Variants in MGAT4A observed in about 807,000 individuals in gnomAD.
MGAT4A encodes the protein alpha-1,3-mannosyl-glycoprotein 4-beta-N-acetylglucosaminyltransferase A.
Under a neutral mutation model 74.1 loss-of-function variants are expected in MGAT4A, and 33 were observed. The ratio of observed to expected loss-of-function variants is 0.45; its 90% CI spans 0.34 to 0.60. The LOEUF is 0.60. Among genes scored for constraint, MGAT4A ranks in the 20% least tolerant of loss-of-function variants. MGAT4A has a pLI of 0.02. For missense variants in MGAT4A, 479 were observed against 628.3 expected (o/e 0.76, Z 2.54); for synonymous variants, 198 against 210.4 (o/e 0.94, Z 0.51).
At chr2:98,631,586 T>A (rs1701233916) in intron 14 of MGAT4A, among the ~76,000 whole-genome samples, 1 of 152,194 alleles carries the variant, frequency 6.6e-6, no homozygotes, top group Non-Finnish European at 1.5e-5. Context: ...CACCCGCGGA[T>A]GCTGGCAGGC....
chr2:98,730,783 G>A (rs1428180619), intron 1 of MGAT4A, among the ~76,000 whole-genome samples: 1 of 147,978 alleles, frequency 6.8e-6, no homozygotes, highest in East Asian at 2.0e-4. Flanking sequence ...CTGGGAGGAC[G>A]GCCCGGCCCG....
rs933234816 is a variant in MGAT4A, at chr2:98,625,035, G to C, written c.*531C>G. On this transcript the variant is annotated 3_prime_UTR_variant, in exon 16 of 16. Coordinates refer to ENST00000393487, the MANE Select transcript of MGAT4A (RefSeq NM_012214.3). ...AAAAATATAGAAAGAACTTAAAAAAGCAAGGAAACTGGTTTTCAAAAAAAG... is the reference window on the plus strand; with the variant it reads ...AAAAATATAGAAAGAACTTAAAAAACCAAGGAAACTGGTTTTCAAAAAAAG... 1 of 982,994 alleles carries C rather than the reference G, an allele frequency of 1.0e-6. No homozygotes were observed. Among genetic ancestry groups the C allele is most frequent in the East Asian group, 1.1e-4 (1 of 8,810 alleles). The allele number at this position is 982,994 out of a possible 1,614,324, so 60.9% of individuals were successfully genotyped here.
intron 10 of MGAT4A, among the ~76,000 whole-genome samples, chr2:98,642,687 T>C (rs1169603004): frequency 6.6e-6 from 1 of 152,198 alleles, no homozygotes; most frequent in Non-Finnish European, 1.5e-5. Context: ...ACAATAAAAA[T>C]TTCTATAAGT....
chr2:98,641,691 G>GAA (rs201848483), intron 10 of MGAT4A, among the ~76,000 whole-genome samples: 87 of 146,956 alleles, frequency 5.9e-4, no homozygotes, highest in African/African-American at 2.2e-3. Context: ...AGAAAAAAAA[G>GAA]AAAAAAAAAT....
At chr2:98,637,006 G>A (rs1431212793) in intron 12 of MGAT4A, among the ~76,000 whole-genome samples, 1 of 152,052 alleles carries the variant, frequency 6.6e-6, no homozygotes, top group Non-Finnish European at 1.5e-5. Context: ...AGTAGTCATG[G>A]CATGTCCAAA....
Position 98,622,857 on chromosome 2 carries a change from A to AAG in MGAT4A, c.*2707_*2708dup. 1.0e-6 allele frequency: 1 copy of AAG among 985,832 alleles called. No individual in the cohort carries two copies. Among genetic ancestry groups the AAG allele is most frequent in the Non-Finnish European group, 1.2e-6 (1 of 830,310 alleles). The allele number at this position is 985,832 out of a possible 1,614,324, so 61.1% of individuals were successfully genotyped here. Reference sequence around the variant, plus strand: ...GCAACGACAGCAGGGAGAGGGAGTTAAGAGAGAGAAAGGGGGCTGGACATG... The same window carrying AAG: ...GCAACGACAGCAGGGAGAGGGAGTTAAGAGAGAGAGAAAGGGGGCTGGACATG... On this transcript the variant is annotated 3_prime_UTR_variant, in exon 16 of 16. Coordinates refer to ENST00000393487, the MANE Select transcript of MGAT4A (RefSeq NM_012214.3).
intron 8 of MGAT4A, among the ~76,000 whole-genome samples, chr2:98,646,703 T>C (rs1296202391): frequency 2.0e-5 from 3 of 152,354 alleles, no homozygotes; most frequent in South Asian, 2.1e-4. Context: ...TGGATTATGA[T>C]GTACCAATGA....
intron 4 of MGAT4A, among the ~76,000 whole-genome samples, chr2:98,669,187 T>C (rs1701877958): frequency 1.3e-5 from 2 of 152,118 alleles, no homozygotes; most frequent in African/African-American, 4.8e-5. Flanking sequence ...TTTGGCTGTG[T>C]CCCCACCCAC....
At chr2:98,718,053 G>T (rs1702615546) in intron 2 of MGAT4A, among the ~76,000 whole-genome samples, 1 of 152,180 alleles carries the variant, frequency 6.6e-6, no homozygotes, top group African/African-American at 2.4e-5. Flanking sequence ...GCTTCGTCTG[G>T]TGTTTCTGTT....
intron 2 of MGAT4A, among the ~76,000 whole-genome samples, chr2:98,706,666 T>C (rs1702441229): frequency 6.6e-6 from 1 of 151,370 alleles, no homozygotes; most frequent in South Asian, 2.1e-4. Flanking sequence ...CTGTAGAATA[T>C]ACATGGCATA....
intron 2 of MGAT4A, among the ~76,000 whole-genome samples, chr2:98,695,864 G>A (rs933846735): frequency 1.3e-5 from 2 of 149,382 alleles, no homozygotes; most frequent in Non-Finnish European, 3.0e-5. Context: ...TTTAAAGAGT[G>A]TTCCACAGAA....
chr2:98,678,252 AT>A, intron 3 of MGAT4A, 51 bp downstream of exon 3: 1 of 380,978 alleles, frequency 2.6e-6, no homozygotes, highest in Non-Finnish European at 3.7e-6. Flanking sequence ...AAAAAAAAAT[AT>A]ATATATATAT....
intron 4 of MGAT4A, among the ~76,000 whole-genome samples, chr2:98,668,888 T>G (rs1174773670): frequency 6.6e-6 from 1 of 152,236 alleles, no homozygotes; most frequent in Non-Finnish European, 1.5e-5. Context: ...ATTCTGGACT[T>G]GCATGGGGCC....
intron 2 of MGAT4A, among the ~76,000 whole-genome samples, chr2:98,691,390 T>G (rs1039657029): frequency 1.4e-4 from 22 of 151,756 alleles, no homozygotes; most frequent in Non-Finnish European, 8.8e-5. Context: ...AAGTGAGCCA[T>G]GCTCACACCA....
chr2:98,674,838 C>T (rs1701956850), intron 4 of MGAT4A, among the ~76,000 whole-genome samples, 197 bp downstream of exon 4: 1 of 152,194 alleles, frequency 6.6e-6, no homozygotes, highest in African/African-American at 2.4e-5. Context: ...CACATGATCC[C>T]TTTCAGCTGT....
Position 98,664,812 on chromosome 2 carries a change from C to A in MGAT4A, c.404-1633G>T, listed in dbSNP as rs572740304. ...TGTTTGAGTGTTGTGATCCTAACCC[C>A]CTTGCTCTCATTTTTTTGCACCATT... is the stretch of plus-strand genomic sequence containing the variant. On this transcript the variant is annotated intron_variant, in intron 4 of 15. Transcript: ENST00000393487. Among the ~76,000 whole-genome samples the A allele has an allele frequency of 4.1e-4, 63 of 152,178 alleles. 1 individual carries two copies. The highest frequency in any genetic ancestry group is 1.2e-3 in the South Asian group (6 of 4,830).
rs530542293 is a variant in MGAT4A, at chr2:98,696,828, T to C, written c.95-18357A>G. Among the ~76,000 whole-genome samples, 3 of 152,364 alleles carry C rather than the reference T, an allele frequency of 2.0e-5. No individual in the cohort carries two copies. In the South Asian group the frequency reaches 6.2e-4, roughly 32 times the overall value. ...TTATAAACCATTTACTATGGCTTTGTAACAACTGCATACCCATACATTAAG... is the reference window on the plus strand; with the variant it reads ...TTATAAACCATTTACTATGGCTTTGCAACAACTGCATACCCATACATTAAG... On this transcript the variant is annotated intron_variant, in intron 2 of 15. Transcript: ENST00000393487.
At position 98,620,146 on chromosome 2, in the gene MGAT4A, A is replaced by C. The variant is rs932145230; in HGVS notation, c.*5420T>G. The stretch of plus-strand genomic sequence containing the variant: ...AGTTTATATATAGGTGTTGATACAG[A>C]TATGTATAACAAAATCCTCAGTTTG... On this transcript the variant is annotated 3_prime_UTR_variant, in exon 16 of 16. Transcript: ENST00000393487. The C allele has an allele frequency of 6.6e-6, 1 of 152,234 alleles. No homozygotes were observed. The highest frequency in any genetic ancestry group is 1.5e-5 in the Non-Finnish European group (1 of 68,040). The allele number at this position is 152,234 out of a possible 1,614,324, so 9.4% of individuals were successfully genotyped here.
intron 2 of MGAT4A, among the ~76,000 whole-genome samples, chr2:98,680,565 C>T (rs545283315): frequency 3.3e-5 from 5 of 152,172 alleles, no homozygotes; most frequent in African/African-American, 1.2e-4. Flanking sequence ...CATGGAATAA[C>T]AAAAGCATGT....
Sources: gnomAD v4.1 joint callset for allele counts (sites outside exome capture counted in the v4.1 genomes callset) on GRCh38, gnomAD v4.1.1 for gene constraint, MANE v1.5 for transcripts, NCBI Gene and HGNC (gene_info 2026-07-23, HGNC 2026-07-21) for gene names.